The following PDE1A variants were observed in gnomAD, a reference collection of about 807,000 sequenced individuals.
The protein encoded by PDE1A is phosphodiesterase 1A.
In PDE1A, 35 loss-of-function variants were observed where a neutral mutation model predicts 61.7. That is an observed-to-expected ratio of 0.57 (90% CI 0.43 to 0.75). The LOEUF (loss-of-function observed/expected upper bound fraction) is 0.75, where lower values mean the gene tolerates loss of function less well. Among genes scored for constraint, PDE1A ranks in the 30% least tolerant of loss-of-function variants. PDE1A has a pLI of 0.00. For synonymous variants in PDE1A, 232 were observed against 213.2 expected (o/e 1.09, Z -0.77); for missense variants, 597 against 630.6 (o/e 0.95, Z 0.57).
At chr2:182,422,960 G>A in intron 1 of PDE1A, among the ~76,000 whole-genome samples, 1 of 152,092 alleles carries the variant, frequency 6.6e-6, no homozygotes, top group East Asian at 1.9e-4. Context: ...AAAACTCAAA[G>A]TATTTCTCCT....
chr2:182,265,497 T>C (rs1442962333), intron 1 of PDE1A, among the ~76,000 whole-genome samples: 2 of 152,116 alleles, frequency 1.3e-5, no homozygotes, highest in Admixed American at 1.3e-4. Flanking sequence ...TATTTTCTCA[T>C]GTTTGAGTCC....
At chr2:182,462,518 T>C (rs556021224) in intron 2 of PDE1A, among the ~76,000 whole-genome samples, 1 of 152,152 alleles carries the variant, frequency 6.6e-6, no homozygotes, top group East Asian at 1.9e-4. Flanking sequence ...TAGGCTAACC[T>C]ACTCATTCTG....
chr2:182,168,167 C>T, exon 14 of PDE1A: 1 of 1,541,310 alleles, frequency 6.5e-7, no homozygotes, highest in Non-Finnish European at 8.7e-7. Context: ...GGGTAGATTT[C>T]CAGCAAGCAT....
chr2:182,679,477 A>C, the PDE1A span, among the ~76,000 whole-genome samples: 2 of 151,320 alleles, frequency 1.3e-5, no homozygotes, highest in African/African-American at 4.9e-5. Flanking sequence ...CTGAGATTAC[A>C]GGCGTGAGCC....
chr2:182,219,508 T>A (rs147113608), intron 7 of PDE1A, among the ~76,000 whole-genome samples: 2 of 152,092 alleles, frequency 1.3e-5, no homozygotes, highest in Non-Finnish European at 2.9e-5. Context: ...TTCATATAAG[T>A]TGGCAAGTTG....
intron 1 of PDE1A, among the ~76,000 whole-genome samples, chr2:182,410,402 C>A (rs542946131): frequency 2.8e-4 from 43 of 152,086 alleles, no homozygotes; most frequent in Middle Eastern, 3.4e-3. Context: ...GAAAATGTAC[C>A]TACAGTTTGA....
chr2:182,345,299 C>A (rs578191104), intron 1 of PDE1A, among the ~76,000 whole-genome samples: 1 of 152,326 alleles, frequency 6.6e-6, no homozygotes, highest in Admixed American at 6.5e-5. Context: ...CTTCAAGGTG[C>A]TAACCCACAC....
intron 1 of PDE1A, among the ~76,000 whole-genome samples, chr2:182,372,626 G>A (rs572534511): frequency 6.6e-6 from 1 of 152,278 alleles, no homozygotes; most frequent in Non-Finnish European, 1.5e-5. Context: ...TCACCCCCTA[G>A]TCTGACCCTG....
the PDE1A span, among the ~76,000 whole-genome samples, chr2:182,698,828 G>A: frequency 6.6e-6 from 1 of 152,100 alleles, no homozygotes; most frequent in Non-Finnish European, 1.5e-5. Flanking sequence ...AAAACTGCCT[G>A]GCTATGACTT....
the PDE1A span, among the ~76,000 whole-genome samples, chr2:182,579,942 C>G: frequency 6.6e-6 from 1 of 152,190 alleles, no homozygotes; most frequent in Non-Finnish European, 1.5e-5. Flanking sequence ...GCACATATTT[C>G]ACTATAGCTG....
the PDE1A span, among the ~76,000 whole-genome samples, chr2:182,530,608 A>G: frequency 6.6e-6 from 1 of 152,190 alleles, no homozygotes; most frequent in Non-Finnish European, 1.5e-5. Flanking sequence ...GAGGGCAGAA[A>G]GATGTGGCAC....
intron 7 of PDE1A, among the ~76,000 whole-genome samples, chr2:182,214,413 A>G (rs925550966): frequency 5.3e-5 from 8 of 151,890 alleles, no homozygotes; most frequent in African/African-American, 1.9e-4. Flanking sequence ...CACACATAAC[A>G]ATATTAACTT....
the PDE1A span, among the ~76,000 whole-genome samples, chr2:182,674,381 A>T: frequency 5.3e-5 from 8 of 152,012 alleles, no homozygotes; most frequent in Admixed American, 1.3e-4. Flanking sequence ...ACTTTTCCCC[A>T]ATTATCTCAT....
Position 182,219,259 on chromosome 2 carries a change from T to G in PDE1A, c.776+4605A>C, listed in dbSNP as rs544016763. Among the ~76,000 whole-genome samples, 513 of 152,250 alleles carry G rather than the reference T, an allele frequency of 3.4e-3. 2 individuals are homozygous for G. The highest frequency in any genetic ancestry group is 0.012 in the African/African-American group (499 of 41,542). On this transcript the variant is annotated intron_variant, in intron 7 of 13. Transcript: ENST00000351439. Reference sequence around the variant, plus strand: ...TGATGAATACATCAAGGGAAGGCTTTTATTTCTCACCTGTCTGTATTTTAA... The same window carrying G: ...TGATGAATACATCAAGGGAAGGCTTGTATTTCTCACCTGTCTGTATTTTAA...
chr2:182,278,225 C>A (rs189421047), intron 1 of PDE1A, among the ~76,000 whole-genome samples: 48 of 152,086 alleles, frequency 3.2e-4, no homozygotes, highest in African/African-American at 1.1e-3. Flanking sequence ...TTAAGGATCA[C>A]ATTTAAGGAT....
the PDE1A span, among the ~76,000 whole-genome samples, chr2:182,599,367 CGCTCATCT>C: frequency 1.4e-3 from 207 of 152,218 alleles, 2 homozygotes; most frequent in Middle Eastern, 6.8e-3. Context: ...CTTTCCTGGA[CGCTCATCT>C]GCAAAAGCAA....
chr2:182,156,946 C>A (rs1691115264), intron 13 of PDE1A, among the ~76,000 whole-genome samples: 1 of 151,064 alleles, frequency 6.6e-6, no homozygotes, highest in African/African-American at 2.4e-5. Flanking sequence ...GGAGCACAAA[C>A]CCTGTTATCA....
chr2:182,539,866 A>C, the PDE1A span, among the ~76,000 whole-genome samples: 1 of 152,244 alleles, frequency 6.6e-6, no homozygotes, highest in African/African-American at 2.4e-5. Flanking sequence ...AGTAAAGTTC[A>C]TTCAGCTATG....
At chr2:182,300,709 T>C (rs1695186501) in intron 1 of PDE1A, among the ~76,000 whole-genome samples, 1 of 152,186 alleles carries the variant, frequency 6.6e-6, no homozygotes, top group Non-Finnish European at 1.5e-5. Context: ...TCTTGGCCTC[T>C]TGTATAAATG....
Sources: allele counts gnomAD v4.1 joint callset (sites outside exome capture counted in the v4.1 genomes callset), GRCh38; gene constraint gnomAD v4.1.1; transcripts MANE v1.5; gene names NCBI Gene and HGNC (gene_info 2026-07-23, HGNC 2026-07-21).